The following LY75 variants were observed in gnomAD, a reference collection of about 807,000 sequenced individuals.
LY75 encodes C-type lectin domain family 13 member B.
A neutral mutation model predicts 231.7 loss-of-function variants in LY75; 185 were observed. That is an observed-to-expected ratio of 0.80 (90% CI 0.71 to 0.90). The LOEUF is 0.90. LY75 is among the 40% of genes least tolerant of loss of function. LY75 has a pLI of 0.00. For missense variants in LY75, 1,947 were observed against 2,050.2 expected, an observed-to-expected ratio of 0.95 and a Z score of 0.97; for synonymous variants, 668 against 689.0, an observed-to-expected ratio of 0.97 and a Z score of 0.48.
Position 159,878,421 on chromosome 2 carries a change from G to C in LY75, c.1677C>G (p.Gly559=). Residue 559 remains glycine, a synonymous_variant, in exon 11 of 35, where the codon GGC becomes GGG. Transcript: ENST00000263636. ...CTCCACAAGAATCTACATCTCTCAG[G>C]CCAGTCCAGAAGTATTTTCTTAGAG... The part of the protein sequence containing the change: ...DKSLRKYFWT[G]LRDVDSCGEY... 6.2e-7 allele frequency: 1 copy of C among 1,614,014 alleles called. No homozygotes were observed. Among genetic ancestry groups the C allele is most frequent in the Non-Finnish European group, 8.5e-7 (1 of 1,179,998 alleles).
At chr2:159,863,554 T>G (rs546375389) in intron 14 of LY75, among the ~76,000 whole-genome samples, 1 of 152,188 alleles carries the variant, frequency 6.6e-6, no homozygotes, top group African/African-American at 2.4e-5. Context: ...TGATTAGTGA[T>G]GTTGAGCATT....
Position 159,878,367 on chromosome 2 carries a change from T to G in LY75, c.1731A>C (p.Arg577Ser). 6.2e-7 allele frequency: 1 copy of G among 1,614,114 alleles called. No homozygotes were observed. The highest frequency in any genetic ancestry group is 8.5e-7 in the Non-Finnish European group (1 of 1,179,982). ...AGTTGGAAAAGGTTACAGCCCGCCT[T>G]CTTCCACCAACAGTTGCCCAGTTAT... ...GEYNWATVGG[R>S]RRAVTFSNWN... Residue 577 changes from arginine to serine, a missense_variant, in exon 11 of 35, where the codon AGA (arginine) becomes AGC (serine). Coordinates refer to ENST00000263636, the MANE Select transcript of LY75 (RefSeq NM_002349.4).
chr2:159,875,812 T>C (rs1376847055), intron 11 of LY75, among the ~76,000 whole-genome samples, 169 bp from the exon 12 acceptor site: 1 of 152,190 alleles, frequency 6.6e-6, no homozygotes, highest in Non-Finnish European at 1.5e-5. Flanking sequence ...AGGTGTTTAT[T>C]ATTTGTAAAG....
In LY75 at chr2:159,875,530, G is replaced by A. The variant is rs200005551; in HGVS notation, c.1888C>T (p.Leu630Phe). 3 of 1,613,934 alleles carry A rather than the reference G, an allele frequency of 1.9e-6. No homozygotes were observed. The highest frequency in any genetic ancestry group is 1.7e-5 in the Admixed American group (1 of 59,982). Reference protein sequence around the residue: ...LSICKKMSGPLGPEEASPKPD... With the variant: ...LSICKKMSGPFGPEEASPKPD... ...TTAGGGGATGCTTCTTCAGGCCCAA[G>A]GGGTCCACTCATTTTCTTGCAAATT... Residue 630 changes from leucine to phenylalanine, a missense_variant, in exon 12 of 35, where the codon CTT becomes TTT. Coordinates refer to ENST00000263636, the MANE Select transcript of LY75 (RefSeq NM_002349.4).
chr2:159,852,683 T>A lies in LY75; in HGVS notation c.2744-343A>T, dbSNP rs560018415. Among the ~76,000 whole-genome samples the A allele has an allele frequency of 8.2e-4, 125 of 152,268 alleles. 1 individual carries two copies. Among genetic ancestry groups the A allele is most frequent in the African/African-American group, 2.9e-3 (119 of 41,560 alleles). On this transcript the variant is annotated intron_variant, in intron 20 of 34. Transcript: ENST00000263636. ...ATTTGCCTGCCTCAGCCTCCCAAAG[T>A]GCTGGGATTACAGGCATGAGCCACC...
intron 29 of LY75, 108 bp downstream of exon 29, chr2:159,819,618 G>T: frequency 7.3e-7 from 1 of 1,361,744 alleles, no homozygotes; most frequent in Non-Finnish European, 1.0e-6. Flanking sequence ...CCTCGCACAG[G>T]ACTGAATACA....
chr2:159,875,571 C>A lies in LY75; in HGVS notation c.1847G>T (p.Ser616Ile). 1 of 1,614,078 alleles carries A rather than the reference C, an allele frequency of 6.2e-7. No homozygotes were observed. Among genetic ancestry groups the A allele is most frequent in the South Asian group, 1.1e-5 (1 of 91,076 alleles). ...CTTGCAAATTGAAAGTGCTTTGAAGCTTCTGCAGTCCTTCACCTCCCACTT... is the reference window on the plus strand; with the variant it reads ...CTTGCAAATTGAAAGTGCTTTGAAGATTCTGCAGTCCTTCACCTCCCACTT... ...VGKWEVKDCR[S>I]FKALSICKKM... Residue 616 changes from serine to isoleucine, a missense_variant, in exon 12 of 35, where the codon AGC becomes ATC. Coordinates refer to ENST00000263636, the MANE Select transcript of LY75 (RefSeq NM_002349.4).
In LY75 at chr2:159,807,119, T is replaced by C; in HGVS notation, c.4844A>G (p.Asp1615Gly). ...HSVDQSWSWL[D>G]GSEVTFVKWE... Reference sequence around the variant, plus strand: ...TTTGACAAATGTCACTTCTGATCCATCTAACCAACTCCAAGACTGGTCTGA... The same window carrying C: ...TTTGACAAATGTCACTTCTGATCCACCTAACCAACTCCAAGACTGGTCTGA... The change falls in exon 34 of 35, where the codon GAT (aspartate) becomes GGT (glycine). Residue 1615 changes from aspartate to glycine, a missense_variant. By Grantham distance (94) the Asp-to-Gly change is moderately conservative. Transcript: ENST00000263636. The C allele has an allele frequency of 6.2e-7, 1 of 1,613,096 alleles. No homozygotes were observed. Among genetic ancestry groups the C allele is most frequent in the Non-Finnish European group, 8.5e-7 (1 of 1,179,532 alleles).
intron 15 of LY75, among the ~76,000 whole-genome samples, chr2:159,858,771 A>G (rs1248994465): frequency 6.6e-6 from 1 of 152,220 alleles, no homozygotes; most frequent in Non-Finnish European, 1.5e-5. Context: ...GTATCCAAGC[A>G]CCAAGCTGTG....
chr2:159,860,555 C>T (rs1684672736), intron 15 of LY75, among the ~76,000 whole-genome samples: 1 of 152,190 alleles, frequency 6.6e-6, no homozygotes, highest in Non-Finnish European at 1.5e-5. Flanking sequence ...CTCACTTTCT[C>T]CTCTGAATTT....
At chr2:159,887,566 C>CAAAAAAAAAAAAAAAAA (rs369452762) in intron 4 of LY75, among the ~76,000 whole-genome samples, 5 of 103,816 alleles carry the variant, frequency 4.8e-5, no homozygotes, top group Non-Finnish European at 8.9e-5. Context: ...TCAACAACAA[C>CAAAAAAAAAAAAAAAAA]AAAAAAAAAA....
Position 159,885,198 on chromosome 2 carries a change from G to A in LY75, c.1009C>T (p.Pro337Ser), listed in dbSNP as rs769771674. 4 of 1,613,586 alleles carry A rather than the reference G, an allele frequency of 2.5e-6. No homozygotes were observed. The South Asian group carries it at 4.4e-5, about 18-fold the overall frequency. Reference sequence around the variant, plus strand: ...TTTAATGGTTTCCTGCAGACATAGGGCAGTTGAGCTTCACAGGAAAAGCTC... The same window carrying A: ...TTTAATGGTTTCCTGCAGACATAGGACAGTTGAGCTTCACAGGAAAAGCTC... ...WQSFSCEAQLPYVCRKPLNNT... is the reference protein window; with the variant it reads ...WQSFSCEAQLSYVCRKPLNNT... The change falls in exon 6 of 35, where the codon CCC (proline) becomes TCC (serine). Residue 337 changes from proline (P) to serine (S), a missense_variant. By Grantham distance (74) the Pro-to-Ser change is moderately conservative (BLOSUM62 -1). Coordinates refer to ENST00000263636, the MANE Select transcript of LY75 (RefSeq NM_002349.4).
At chr2:159,890,073 G>T in intron 4 of LY75, 140 bp downstream of exon 4, 13 of 1,069,156 alleles carry the variant, frequency 1.2e-5, no homozygotes, top group African/African-American at 9.7e-5. Context: ...TTTTGCTTAT[G>T]GGTTTCAGTG....
At chr2:159,855,203 A>C (rs1302291119) in intron 16 of LY75, among the ~76,000 whole-genome samples, 1 of 152,236 alleles carries the variant, frequency 6.6e-6, no homozygotes, top group Non-Finnish European at 1.5e-5. Context: ...CACAGAGGTC[A>C]CAAAAGAAGT....
At chr2:159,835,794 T>A in intron 25 of LY75, 149 bp from the exon 26 acceptor site, 1 of 1,034,902 alleles carries the variant, frequency 9.7e-7, no homozygotes, top group Non-Finnish European at 1.3e-6. Flanking sequence ...AGCATTGTTC[T>A]AAATGCTTTA....
At chr2:159,898,086 T>A (rs1362025898) in intron 2 of LY75, among the ~76,000 whole-genome samples, 1 of 152,058 alleles carries the variant, frequency 6.6e-6, no homozygotes, top group African/African-American at 2.4e-5. Context: ...AGAAAAAATA[T>A]ATTTTTCCTC....
intron 13 of LY75, 85 bp from the exon 14 acceptor site, chr2:159,865,005 T>G: frequency 8.2e-7 from 1 of 1,224,322 alleles, no homozygotes; most frequent in Non-Finnish European, 1.1e-6. Context: ...CATCACTAAT[T>G]GAAAAGCACA....
chr2:159,875,510 G>A lies in LY75; in HGVS notation c.1908C>T (p.Ser636=), dbSNP rs756928520. ...MSGPLGPEEA[S]PKPDDPCPEG... is the part of the protein sequence containing the mutation. ...CAGGACAGGGGTCATCAGGCTTAGG[G>A]GATGCTTCTTCAGGCCCAAGGGGTC... The change falls in exon 12 of 35, where the codon TCC becomes TCT. Residue 636 remains serine, a synonymous_variant. Transcript: ENST00000263636. 6.2e-7 allele frequency: 1 copy of A among 1,614,048 alleles called. No homozygotes were observed. The highest frequency in any genetic ancestry group is 8.5e-7 in the Non-Finnish European group (1 of 1,179,994).
At chr2:159,888,755 G>A (rs1685667648) in intron 4 of LY75, among the ~76,000 whole-genome samples, 1 of 152,172 alleles carries the variant, frequency 6.6e-6, no homozygotes, top group Admixed American at 6.5e-5. Context: ...TATAAAAGGT[G>A]AATCCATTTA....
Sources: gnomAD v4.1 joint callset for allele counts (sites outside exome capture counted in the v4.1 genomes callset) on GRCh38, gnomAD v4.1.1 for gene constraint, MANE v1.5 for transcripts, NCBI Gene and HGNC (gene_info 2026-07-23, HGNC 2026-07-21) for gene names.